CNN3: variants seen among roughly 807,000 people sequenced by gnomAD.
The protein encoded by CNN3 is calponin 3.
In CNN3, 11 loss-of-function variants were observed where a neutral mutation model predicts 39.0. The observed-to-expected ratio is 0.28, with a 90% CI of 0.18 to 0.47. The LOEUF is 0.47. Ranked by LOEUF, CNN3 falls within the 20% of genes least tolerant of loss-of-function variation. The pLI, the probability that CNN3 is intolerant of heterozygous loss-of-function variation, is 0.99. For synonymous variants in CNN3, 101 were observed against 138.3 expected, an observed-to-expected ratio of 0.73 and a Z score of 1.89; for missense variants, 266 against 403.4, an observed-to-expected ratio of 0.66 and a Z score of 2.92.
intron 1 of CNN3, among the ~76,000 whole-genome samples, chr1:94,905,852 C>T (rs181165881): frequency 1.7e-4 from 26 of 152,246 alleles, no homozygotes; most frequent in Middle Eastern, 3.4e-3. Context: ...TGAGCCACCA[C>T]CCCCTGCCTC....
intron 1 of CNN3, among the ~76,000 whole-genome samples, chr1:94,921,536 AC>A (rs1671444069): frequency 6.6e-6 from 1 of 152,204 alleles, no homozygotes; most frequent in Non-Finnish European, 1.5e-5. Context: ...CTTTAAGGAT[AC>A]ACTGTTAAAG....
In CNN3 at chr1:94,926,107, A is replaced by C. The variant is rs1268475; in HGVS notation, c.57+731T>G. ...CAAACAAAAGCAACCCACAAAAATA[A>C]TCCTTTATGTCGTGAAAGTCTAATG... On this transcript the variant is annotated intron_variant, in intron 1 of 6. Coordinates refer to ENST00000370206, the MANE Select transcript of CNN3 (RefSeq NM_001839.5). This position sits in a 1 kb window ranked among gnomAD's most constrained non-coding sequence, Gnocchi z 4.2. Among the ~76,000 whole-genome samples the C allele has an allele frequency of 0.99, 150,250 of 152,322 alleles. 74,117 individuals carry two copies. Among genetic ancestry groups the C allele is most frequent in the Middle Eastern group, 1 (294 of 294 alleles).
intron 1 of CNN3, among the ~76,000 whole-genome samples, chr1:94,905,476 C>CT (rs1410179813): frequency 2.6e-5 from 4 of 152,148 alleles, no homozygotes; most frequent in Non-Finnish European, 5.9e-5. Context: ...AGGCATGAAG[C>CT]TTCTGCTTTG....
chr1:94,923,124 C>T (rs1671490104), intron 1 of CNN3, among the ~76,000 whole-genome samples: 1 of 152,216 alleles, frequency 6.6e-6, no homozygotes, highest in Admixed American at 6.5e-5. Context: ...TGCTTCACTG[C>T]GTCCTCTCTT....
Position 94,926,791 on chromosome 1 carries a change from C to T in CNN3, c.57+47G>A. 6.3e-7 allele frequency: 1 copy of T among 1,588,646 alleles called. No homozygotes were observed. The highest frequency in any genetic ancestry group is 8.6e-7 in the Non-Finnish European group (1 of 1,165,120). ...GAAGCACGGCCCAGCGCCAGGCCAG[C>T]CCAAGGGTGCCCCGGGGGCCCCCGC... On this transcript the variant is annotated intron_variant, in intron 1 of 6. Coordinates refer to ENST00000370206, the MANE Select transcript of CNN3 (RefSeq NM_001839.5). This position sits in a 1 kb window ranked among gnomAD's most constrained non-coding sequence, Gnocchi z 4.2.
intron 1 of CNN3, among the ~76,000 whole-genome samples, chr1:94,918,914 A>G (rs1385463931): frequency 6.6e-6 from 1 of 151,736 alleles, no homozygotes; most frequent in Non-Finnish European, 1.5e-5. Flanking sequence ...AAAAGTTCAT[A>G]AGATATTTGG....
intron 1 of CNN3, among the ~76,000 whole-genome samples, chr1:94,918,493 CAAAAAAAATAAAATAA>C (rs1671349416): frequency 6.7e-5 from 2 of 29,964 alleles, no homozygotes; most frequent in Non-Finnish European, 1.5e-4. Context: ...GACTGTCTCC[CAAAAAAAATAAAATAA>C]AAAAAAAAAA....
At chr1:94,915,468 C>T (rs3789707) in intron 1 of CNN3, among the ~76,000 whole-genome samples, 5,317 of 152,240 alleles carry the variant, frequency 0.035, 232 homozygotes, top group African/African-American at 0.099. Context: ...AGGGGACCCT[C>T]CACATCGACA....
intron 1 of CNN3, among the ~76,000 whole-genome samples, chr1:94,918,876 G>C (rs1269923568): frequency 6.8e-6 from 1 of 147,258 alleles, no homozygotes; most frequent in Non-Finnish European, 1.5e-5. Flanking sequence ...CCAGGTGACA[G>C]AGCAAGACTG....
chr1:94,910,419 AATGGGGGCTAAC>A (rs1248366162), intron 1 of CNN3, among the ~76,000 whole-genome samples: 1 of 152,054 alleles, frequency 6.6e-6, no homozygotes, highest in East Asian at 1.9e-4. Context: ...AAGAGAGAAC[AATGGGGGCTAAC>A]ATGGTCCCAA....
rs368130483 is a variant in CNN3, at chr1:94,915,700, G to C, written c.57+11138C>G. ...CTTCCAGATCAAGGGCCAATGGAAAGAGGAGAGTGAACCAGTGCCCAAGCT... is the reference window on the plus strand; with the variant it reads ...CTTCCAGATCAAGGGCCAATGGAAACAGGAGAGTGAACCAGTGCCCAAGCT... On this transcript the variant is annotated intron_variant, in intron 1 of 6. Coordinates refer to ENST00000370206, the MANE Select transcript of CNN3 (RefSeq NM_001839.5). Among the ~76,000 whole-genome samples the C allele has an allele frequency of 1.2e-4, 18 of 152,296 alleles. 1 individual carries two copies. Among genetic ancestry groups the C allele is most frequent in the Admixed American group, 8.5e-4 (13 of 15,294 alleles).
At chr1:94,912,706 G>A (rs1671197097) in intron 1 of CNN3, among the ~76,000 whole-genome samples, 1 of 152,238 alleles carries the variant, frequency 6.6e-6, no homozygotes, top group Admixed American at 6.5e-5. Context: ...CTAGGGAAAT[G>A]CCTCAGATTT....
rs776570029 is a variant in CNN3, at chr1:94,926,868, G to A, written c.27C>T (p.Ser9=). Reference sequence around the variant, plus strand: ...TCTTGACTTCGGCCGAGAGCCCATAGGAAGGGCCCTTGTTGAAGTGGGTCA... The same window carrying A: ...TCTTGACTTCGGCCGAGAGCCCATAAGAAGGGCCCTTGTTGAAGTGGGTCA... MTHFNKGP[S]YGLSAEVKNK... Residue 9 remains serine (S), a synonymous_variant, in exon 1 of 7, where the codon TCC becomes TCT. Coordinates refer to ENST00000370206, the MANE Select transcript of CNN3 (RefSeq NM_001839.5). The surrounding 1 kb of genome is among the most constrained non-coding windows in gnomAD (Gnocchi z 4.2). 2 of 1,611,154 alleles carry A rather than the reference G, an allele frequency of 1.2e-6. No individual in the cohort carries two copies. Among genetic ancestry groups the A allele is most frequent in the Non-Finnish European group, 1.7e-6 (2 of 1,178,632 alleles).
At chr1:94,905,778 C>A (rs977422995) in intron 1 of CNN3, among the ~76,000 whole-genome samples, 6 of 152,122 alleles carry the variant, frequency 3.9e-5, no homozygotes, top group Non-Finnish European at 1.5e-5. Flanking sequence ...CCAGGCTAGT[C>A]TCAAACTCCT....
rs76330169 is a variant in CNN3 at position 94,914,752 on chromosome 1, C to A, written c.58-11228G>T. 2.0e-5 allele frequency among the ~76,000 whole-genome samples: 3 copies of A among 152,246 alleles called. No homozygotes were observed. In the South Asian group the frequency reaches 6.2e-4, roughly 32 times the overall value. ...AACCAGCTATGAACAGAGAGGAAATCGAATTTTAAACATGGGATAGATGCT... is the reference window on the plus strand; with the variant it reads ...AACCAGCTATGAACAGAGAGGAAATAGAATTTTAAACATGGGATAGATGCT... On this transcript the variant is annotated intron_variant, in intron 1 of 6. Transcript: ENST00000370206.
At chr1:94,898,110 T>C (rs750856217) in intron 6 of CNN3, 27 bp from the exon 7 acceptor site, 2 of 1,572,188 alleles carry the variant, frequency 1.3e-6, no homozygotes, top group South Asian at 1.1e-5. Flanking sequence ...GTATAAAAGT[T>C]AAAACAGCAG....
At chr1:94,900,424 T>A (rs1485075376) in intron 5 of CNN3, among the ~76,000 whole-genome samples, 2 of 152,154 alleles carry the variant, frequency 1.3e-5, no homozygotes, top group Admixed American at 1.3e-4. Flanking sequence ...TACAAAAACA[T>A]GTGCATTTTT....
intron 1 of CNN3, among the ~76,000 whole-genome samples, chr1:94,906,292 G>A (rs1051360354): frequency 7.2e-5 from 11 of 152,122 alleles, no homozygotes; most frequent in African/African-American, 1.9e-4. Flanking sequence ...CGATAGACAC[G>A]TTTAAGTCTT....
At chr1:94,908,874 G>A (rs1353659866) in intron 1 of CNN3, among the ~76,000 whole-genome samples, 2 of 152,038 alleles carry the variant, frequency 1.3e-5, no homozygotes, top group African/African-American at 4.8e-5. Flanking sequence ...GCCAGGCATG[G>A]TGGCTCAGGC....
Sources: allele counts gnomAD v4.1 joint callset (sites outside exome capture counted in the v4.1 genomes callset), GRCh38; gene constraint gnomAD v4.1.1; non-coding constraint Gnocchi (gnomAD v3.1); transcripts MANE v1.5; gene names NCBI Gene and HGNC (gene_info 2026-07-23, HGNC 2026-07-21).